Variants in PCGF5 observed in about 807,000 individuals in gnomAD.
PCGF5 encodes polycomb group ring finger 5.
In PCGF5, 9 loss-of-function variants were observed where a neutral mutation model predicts 44.3. The observed-to-expected ratio is 0.20, with a 90% CI of 0.12 to 0.35. The LOEUF (loss-of-function observed/expected upper bound fraction) is 0.35, where lower values mean the gene tolerates loss of function less well. Ranked by LOEUF, PCGF5 falls within the 10% of genes least tolerant of loss-of-function variation. The pLI is 1.00. For synonymous variants in PCGF5, 95 were observed against 102.5 expected (o/e 0.93, Z 0.44); for missense variants, 146 against 305.3 (o/e 0.48, Z 3.89).
intron 8 of PCGF5, 112 bp from the exon 9 acceptor site, chr10:91,271,526 C>CTTTATTAAAGTCAA: frequency 1.3e-6 from 1 of 768,150 alleles, no homozygotes. Context: ...TGTTTATTTA[C>CTTTATTAAAGTCAA]CATTAATCAT....
rs543188230 is a variant in PCGF5 at position 91,197,818 on chromosome 10, AACTTATTTAAAAAC to A, written c.-183-24855_-183-24842del. Among the ~76,000 whole-genome samples the A allele has an allele frequency of 8.5e-5, 13 of 152,288 alleles. No homozygotes were observed. The South Asian group carries it at 2.1e-3, about 24-fold the overall frequency. ...TTTACCTGTGCCCTTTTCCATTGTG[AACTTATTTAAAAAC>A]ACTTATTTAAAAACAGACGTTCCAA... On this transcript the variant is annotated intron_variant, in intron 1 of 9. Transcript: ENST00000614189.
At chr10:91,265,044 C>G (rs1846016566) in intron 8 of PCGF5, among the ~76,000 whole-genome samples, 1 of 151,990 alleles carries the variant, frequency 6.6e-6, no homozygotes, top group South Asian at 2.1e-4. Context: ...ATTATTGTGC[C>G]TTAGGCCCTA....
chr10:91,264,874 T>C (rs775069401), intron 8 of PCGF5, among the ~76,000 whole-genome samples: 3 of 152,286 alleles, frequency 2.0e-5, no homozygotes, highest in African/African-American at 4.8e-5. Context: ...TCCCCTAATA[T>C]GATTAATGGT....
At chr10:91,234,093 C>T (rs753514542) in intron 2 of PCGF5, among the ~76,000 whole-genome samples, 1 of 152,206 alleles carries the variant, frequency 6.6e-6, no homozygotes, top group African/African-American at 2.4e-5. Context: ...ACCACACATA[C>T]ATCTAAGATA....
intron 7 of PCGF5, among the ~76,000 whole-genome samples, chr10:91,262,891 G>A (rs1845956546): frequency 6.6e-6 from 1 of 152,024 alleles, no homozygotes; most frequent in Non-Finnish European, 1.5e-5. Flanking sequence ...TACCATGTAT[G>A]GTTTTATTTC....
At chr10:91,261,227 C>G (rs1397420772) in intron 6 of PCGF5, 99 bp from the exon 7 acceptor site, 1 of 1,304,762 alleles carries the variant, frequency 7.7e-7, no homozygotes, top group South Asian at 2.2e-5. Context: ...TAAAAATACT[C>G]AAAATGATAG....
intron 5 of PCGF5, among the ~76,000 whole-genome samples, chr10:91,250,497 C>CTTTTT (rs56288334): frequency 7.4e-4 from 98 of 132,132 alleles, no homozygotes; most frequent in African/African-American, 2.6e-3. Context: ...CTGGTTTTTT[C>CTTTTT]TTTTTTTTTT....
chr10:91,273,230 G>A (rs1021363167), intron 9 of PCGF5, among the ~76,000 whole-genome samples: 2 of 152,208 alleles, frequency 1.3e-5, no homozygotes, highest in African/African-American at 4.8e-5. Flanking sequence ...CTGAGCTGGT[G>A]AGATTTGTGT....
Position 91,281,360 on chromosome 10 carries a change from A to G in PCGF5, c.*3044A>G, listed in dbSNP as rs140071127. ...CAACTACATTACACACTCAAATGTA[A>G]TCTAAATTTAAACTGATTATTTAAG... On this transcript the variant is annotated 3_prime_UTR_variant, in exon 10 of 10. Coordinates refer to ENST00000336126, the MANE Select transcript of PCGF5 (RefSeq NM_032373.5). The G allele has an allele frequency of 6.6e-6, 1 of 152,568 alleles. No individual in the cohort carries two copies. Among genetic ancestry groups the G allele is most frequent in the East Asian group, 1.9e-4 (1 of 5,204 alleles). 9.5% of individuals were successfully genotyped at this position (152,568 alleles called of 1,614,324 possible). A position where few individuals can be genotyped will look rare whatever the true frequency, so the allele number is the denominator to read the frequency against.
At chr10:91,263,349 G>T (rs1845971268) in intron 7 of PCGF5, among the ~76,000 whole-genome samples, 1 of 152,064 alleles carries the variant, frequency 6.6e-6, no homozygotes, top group African/African-American at 2.4e-5. Context: ...TCTTTCAAAA[G>T]TTAATAAAAT....
chr10:91,170,976 C>T (rs1038922700), intron 1 of PCGF5, among the ~76,000 whole-genome samples: 3 of 152,254 alleles, frequency 2.0e-5, no homozygotes, highest in East Asian at 3.9e-4. Flanking sequence ...ATTCCTAAGT[C>T]AAAGAAGCCA....
chr10:91,172,686 T>C (rs1300919311), intron 1 of PCGF5, among the ~76,000 whole-genome samples: 1 of 152,246 alleles, frequency 6.6e-6, no homozygotes, highest in Non-Finnish European at 1.5e-5. Context: ...TCATAACTTT[T>C]GTGTTTGCCC....
chr10:91,189,359 A>G (rs1016252276), intron 1 of PCGF5, among the ~76,000 whole-genome samples: 3 of 152,206 alleles, frequency 2.0e-5, no homozygotes, highest in African/African-American at 7.2e-5. Flanking sequence ...CAGCAAAGGC[A>G]GGGAGGTGAT....
chr10:91,170,589 A>C (rs1166393732), intron 1 of PCGF5, among the ~76,000 whole-genome samples: 1 of 152,222 alleles, frequency 6.6e-6, no homozygotes, highest in Non-Finnish European at 1.5e-5. Context: ...AAATGGCCAA[A>C]ATTCAGAACA....
In PCGF5 at chr10:91,251,426, G is replaced by A. The variant is rs1242801229; in HGVS notation, c.460G>A (p.Asp154Asn). The change falls in exon 6 of 10, where the codon GAC becomes AAC. Residue 154 changes from aspartate to asparagine, a missense_variant. This residue lies in a region of PCGF5 where 123 missense variants were observed against 268.6 expected (regional missense o/e 0.46). Coordinates refer to ENST00000336126, the MANE Select transcript of PCGF5 (RefSeq NM_032373.5). ...DCLRNNGQSG[D>N]NVVKGLMKKF... ...TTTACGAAATAATGGGCAATCAGGG[G>A]ACAATGTAGTAAAGGTGAGTGAACA... The A allele has an allele frequency of 6.2e-7, 1 of 1,611,072 alleles. No individual in the cohort carries two copies. The highest frequency in any genetic ancestry group is 8.5e-7 in the Non-Finnish European group (1 of 1,177,964).
rs558485192 is a variant in PCGF5 at position 91,240,695 on chromosome 10, T to G, written c.209+115T>G. 11 of 522,042 alleles carry G rather than the reference T, an allele frequency of 2.1e-5. No homozygotes were observed. In the Admixed American group the frequency reaches 3.2e-4, roughly 15 times the overall value. 32.3% of individuals were successfully genotyped at this position (522,042 alleles called of 1,614,324 possible). ...CTTGACTCAGTTAATATAGGACTTATGATTTTCATTTTAAAGCATTTTATT... is the reference window on the plus strand; with the variant it reads ...CTTGACTCAGTTAATATAGGACTTAGGATTTTCATTTTAAAGCATTTTATT... On this transcript the variant is annotated intron_variant, in intron 3 of 9. Transcript: ENST00000336126.
rs547512419 is a variant in PCGF5, at chr10:91,232,816, G to A, written c.113-7668G>A. 7.9e-5 allele frequency among the ~76,000 whole-genome samples: 12 copies of A among 152,260 alleles called. No individual in the cohort carries two copies. The South Asian group carries it at 2.3e-3, about 29-fold the overall frequency. ...GTGAGGATGGAGGAGGATATGTTGG[G>A]GGTTTGAAGAGAGAGGAGAAGGTGT... On this transcript the variant is annotated intron_variant, in intron 2 of 9. Transcript: ENST00000336126.
chr10:91,258,525 G>T (rs1845814563), intron 6 of PCGF5, among the ~76,000 whole-genome samples: 1 of 152,180 alleles, frequency 6.6e-6, no homozygotes, highest in Non-Finnish European at 1.5e-5. Flanking sequence ...TCAGACTGGG[G>T]ATGATCAACC....
At chr10:91,176,952 G>A (rs571470502) in intron 1 of PCGF5, among the ~76,000 whole-genome samples, 9 of 152,346 alleles carry the variant, frequency 5.9e-5, no homozygotes, top group African/African-American at 2.2e-4. Flanking sequence ...CTGATGAGGA[G>A]CTGTGTTCCT....
Sources: gnomAD v4.1 joint callset for allele counts (sites outside exome capture counted in the v4.1 genomes callset) on GRCh38, gnomAD v4.1.1 for gene constraint, gnomAD v4.1.1 regional missense constraint, MANE v1.5 for transcripts, NCBI Gene and HGNC (gene_info 2026-07-23, HGNC 2026-07-21) for gene names.